Variants in OR10J1 observed in about 807,000 individuals in gnomAD.
OR10J1 encodes the protein olfactory receptor 10J1.
For missense variants in OR10J1, 474 were observed against 376.6 expected, an observed-to-expected ratio of 1.26 and a Z score of -2.14; for synonymous variants, 202 against 143.8, an observed-to-expected ratio of 1.40 and a Z score of -2.89.
the OR10J1 span, among the ~76,000 whole-genome samples, chr1:159,425,594 GA>G: frequency 2.3e-4 from 35 of 152,036 alleles, no homozygotes; most frequent in East Asian, 6.4e-3. Context: ...AAATTAGCAA[GA>G]AAAAAATTGC....
chr1:159,425,609 G>T, the OR10J1 span, among the ~76,000 whole-genome samples: 2 of 152,016 alleles, frequency 1.3e-5, no homozygotes, highest in Non-Finnish European at 2.9e-5. Context: ...AAATTGCAAA[G>T]AAAGAGATAG....
the OR10J1 span, among the ~76,000 whole-genome samples, chr1:159,422,548 G>C: frequency 1.3e-5 from 2 of 152,134 alleles, no homozygotes; most frequent in African/African-American, 2.4e-5. Context: ...GAGTAGCAGC[G>C]GTAGGTACAG....
At chr1:159,431,792 G>A in the OR10J1 span, among the ~76,000 whole-genome samples, 1 of 152,038 alleles carries the variant, frequency 6.6e-6, no homozygotes, top group East Asian at 1.9e-4. Context: ...TAGGTGATTT[G>A]CCCAGTTGTA....
At chr1:159,406,807 C>A in the OR10J1 span, among the ~76,000 whole-genome samples, 1 of 152,078 alleles carries the variant, frequency 6.6e-6, no homozygotes, top group African/African-American at 2.4e-5. Context: ...GGGTTTAATC[C>A]ATTCATTTCC....
chr1:159,403,284 G>C, the OR10J1 span, among the ~76,000 whole-genome samples: 4 of 152,192 alleles, frequency 2.6e-5, no homozygotes, highest in East Asian at 3.9e-4. Context: ...AAGTTAAAAA[G>C]CTTCTTCATA....
chr1:159,423,662 C>A, the OR10J1 span, among the ~76,000 whole-genome samples: 2 of 152,120 alleles, frequency 1.3e-5, no homozygotes, highest in African/African-American at 4.8e-5. Flanking sequence ...ACAAACCATG[C>A]GGAGAGACTT....
the OR10J1 span, chr1:159,432,563 G>T: frequency 3.2e-5 from 15 of 472,420 alleles, no homozygotes; most frequent in Non-Finnish European, 5.4e-5. Flanking sequence ...CAGCCATGGG[G>T]TATGACCACT....
chr1:159,423,365 A>T, the OR10J1 span, among the ~76,000 whole-genome samples: 2 of 152,212 alleles, frequency 1.3e-5, no homozygotes, highest in African/African-American at 4.8e-5. Flanking sequence ...TCTTGTGAGG[A>T]CAGGCACTGA....
chr1:159,423,205 T>G, the OR10J1 span, among the ~76,000 whole-genome samples: 1 of 152,202 alleles, frequency 6.6e-6, no homozygotes, highest in Non-Finnish European at 1.5e-5. Flanking sequence ...CTCCTACAGG[T>G]GATGACAATG....
the OR10J1 span, among the ~76,000 whole-genome samples, chr1:159,430,665 G>GTGTGTGTGTGTGTA: frequency 2.5e-4 from 21 of 83,564 alleles, no homozygotes; most frequent in Non-Finnish European, 5.1e-4. Flanking sequence ...GTGTGTGTGT[G>GTGTGTGTGTGTGTA]TGTGCGCGCG....
chr1:159,432,221 C>A, the OR10J1 span: 71 of 400,758 alleles, frequency 1.8e-4, 1 homozygote, highest in Non-Finnish European at 3.1e-5. Context: ...GGCCCAATTT[C>A]ATGGCTGTGA....
chr1:159,432,224 G>A, the OR10J1 span: 2 of 400,688 alleles, frequency 5.0e-6, no homozygotes, highest in Admixed American at 4.4e-5. Flanking sequence ...CCAATTTCAT[G>A]GCTGTGACAG....
At position 159,440,416 on chromosome 1, in the gene OR10J1, C is replaced by A. The variant is rs199560609; in HGVS notation, c.625C>A (p.Pro209Thr). Residue 209 changes from proline (P) to threonine (T), a missense_variant, in exon 1 of 1, where the codon CCT (proline) becomes ACT (threonine). Transcript: ENST00000423932. The part of the protein sequence containing the change: ...LIISVLVLVV[P>T]MGLVFISYVL... ...TATCAGTGTGCTGGTGCTTGTTGTA[C>A]CTATGGGTCTGGTTTTCATTTCTTA... 3.1e-6 allele frequency: 5 copies of A among 1,614,112 alleles called. No homozygotes were observed. The East Asian group carries it at 8.9e-5, about 29-fold the overall frequency.
At position 159,440,062 on chromosome 1, in the gene OR10J1, C is replaced by T; in HGVS notation, c.271C>T (p.Pro91Ser). The change falls in exon 1 of 1, where the codon CCC (proline) becomes TCC (serine). Residue 91 changes from proline (P) to serine (S), a missense_variant. Coordinates refer to ENST00000423932, the MANE Select transcript of OR10J1 (RefSeq NM_012351.3). ...CTCCAGCCTCGTAGGTATGAGCCAGCCCATATCATTGGCAGGGTGTGCCAC... is the reference window on the plus strand; with the variant it reads ...CTCCAGCCTCGTAGGTATGAGCCAGTCCATATCATTGGCAGGGTGTGCCAC... ...MLSSLVGMSQ[P>S]ISLAGCATQM... 6.2e-7 allele frequency: 1 copy of T among 1,614,084 alleles called. No individual in the cohort carries two copies. The highest frequency in any genetic ancestry group is 8.5e-7 in the Non-Finnish European group (1 of 1,180,000).
chr1:159,419,455 C>T, the OR10J1 span, among the ~76,000 whole-genome samples: 1 of 152,242 alleles, frequency 6.6e-6, no homozygotes, highest in East Asian at 1.9e-4. Context: ...TTGCTTGCTG[C>T]CATGTAAGAC....
the OR10J1 span, among the ~76,000 whole-genome samples, chr1:159,414,703 C>T: frequency 0.092 from 14,025 of 152,068 alleles, 906 homozygotes; most frequent in East Asian, 0.23. Context: ...TACGTTCCCA[C>T]CAATATTGTA....
At chr1:159,422,221 C>T in the OR10J1 span, among the ~76,000 whole-genome samples, 5 of 152,066 alleles carry the variant, frequency 3.3e-5, no homozygotes, top group Non-Finnish European at 7.4e-5. Flanking sequence ...GCAGTCTCCC[C>T]AGTGGTGCAT....
the OR10J1 span, chr1:159,405,873 G>A: frequency 1.5e-6 from 1 of 689,344 alleles, no homozygotes; most frequent in Admixed American, 2.1e-5. Flanking sequence ...CATCACAAAA[G>A]GGCAGGCCAA....
At chr1:159,426,824 AC>A in the OR10J1 span, among the ~76,000 whole-genome samples, 6 of 151,910 alleles carry the variant, frequency 3.9e-5, no homozygotes, top group African/African-American at 7.2e-5. Flanking sequence ...TTCTCCATTA[AC>A]CTTCAAAGAT....
Sources: gnomAD v4.1 joint callset for allele counts (sites outside exome capture counted in the v4.1 genomes callset) on GRCh38, gnomAD v4.1.1 for gene constraint, MANE v1.5 for transcripts, NCBI Gene and HGNC (gene_info 2026-07-23, HGNC 2026-07-21) for gene names.